The following C22orf31 variants were observed in gnomAD, a reference collection of about 807,000 sequenced individuals.
C22orf31 encodes the protein chromosome 22 open reading frame 31.
In C22orf31, 11 loss-of-function variants were observed where a neutral mutation model predicts 15.0. That is an observed-to-expected ratio of 0.73 (90% CI 0.46 to 1.21). The LOEUF (loss-of-function observed/expected upper bound fraction) is 1.21. C22orf31 is among the 50% of genes most tolerant of loss of function. C22orf31 has a pLI of 0.00. For missense variants in C22orf31, 340 were observed against 347.2 expected, an observed-to-expected ratio of 0.98 and a Z score of 0.17; for synonymous variants, 132 against 133.3, an observed-to-expected ratio of 0.99 and a Z score of 0.07.
chr22:29,073,440 T>A, the C22orf31 span, among the ~76,000 whole-genome samples: 8 of 151,826 alleles, frequency 5.3e-5, no homozygotes, highest in Non-Finnish European at 1.2e-4. This position sits in a 1 kb window ranked among gnomAD's most constrained non-coding sequence, Gnocchi z 4.4. Context: ...GGCCCGGTAC[T>A]GTCCCCCGGC....
the C22orf31 span, among the ~76,000 whole-genome samples, chr22:29,070,779 A>G: frequency 6.6e-6 from 1 of 152,294 alleles, no homozygotes; most frequent in Non-Finnish European, 1.5e-5. Context: ...AAAAGAAAAA[A>G]AATCCACAGA....
At chr22:29,061,877 T>G, upstream of C22orf31, 3 of 1,003,808 alleles carry the variant, frequency 3.0e-6, no homozygotes, top group Non-Finnish European at 4.3e-6. Context: ...TCTCTCTCTC[T>G]TTTTTTTTGT....
the C22orf31 span, among the ~76,000 whole-genome samples, chr22:29,067,463 A>G: frequency 3.3e-5 from 5 of 151,618 alleles, no homozygotes; most frequent in Non-Finnish European, 7.4e-5. Context: ...CTTTTTTGAC[A>G]CAGACTCTCG....
At chr22:29,062,843 T>G (rs1487075859), upstream of C22orf31, among the ~76,000 whole-genome samples, 2 of 152,088 alleles carry the variant, frequency 1.3e-5, no homozygotes, top group African/African-American at 4.8e-5. Flanking sequence ...CCTCACCTCC[T>G]AAGAGCTGGG....
the C22orf31 span, chr22:29,073,126 G>C: frequency 2.9e-6 from 3 of 1,042,970 alleles, no homozygotes; most frequent in Non-Finnish European, 3.5e-6. This position sits in a 1 kb window ranked among gnomAD's most constrained non-coding sequence, Gnocchi z 4.4. Flanking sequence ...CCGCACTGAC[G>C]GCCCATGGCG....
the C22orf31 span, chr22:29,073,066 C>T: frequency 1.8e-5 from 7 of 390,578 alleles, no homozygotes; most frequent in Admixed American, 6.5e-5. The surrounding 1 kb of genome is among the most constrained non-coding windows in gnomAD (Gnocchi z 4.4). Context: ...CCCATGGCCG[C>T]CCCCGGCTCC....
rs746926059 is a variant in C22orf31 at position 29,058,984 on chromosome 22, C to G, written c.631G>C (p.Glu211Gln). The stretch of plus-strand genomic sequence containing the variant: ...GCGTGGTACAGAGCCTGGTAACCCT[C>G]TGTGGGGAGACCATGGATGGTTAGC... ...DTLTIHGLPT[E>Q]GYQALYHAVV... Residue 211 changes from glutamate (E) to glutamine (Q), a missense_variant, in exon 3 of 3, where the codon GAG becomes CAG. Physicochemically the swap from Glu to Gln is conservative, Grantham distance 29. Transcript: ENST00000216071. The G allele has an allele frequency of 6.2e-7, 1 of 1,614,226 alleles. No individual in the cohort carries two copies. The highest frequency in any genetic ancestry group is 1.7e-5 in the Admixed American group (1 of 60,032).
chr22:29,066,534 C>CT (rs1407769658), upstream of C22orf31, among the ~76,000 whole-genome samples: 1 of 65,116 alleles, frequency 1.5e-5, no homozygotes. Flanking sequence ...CTTTTCTTTT[C>CT]TTTTCTTTTT....
intron 1 of C22orf31, among the ~76,000 whole-genome samples, chr22:29,061,370 G>A (rs924777199): frequency 2.0e-5 from 3 of 152,128 alleles, no homozygotes; most frequent in African/African-American, 7.2e-5. Context: ...GGGCTCAAGG[G>A]ATTCTTCTGC....
chr22:29,063,252 C>A (rs1309992569), upstream of C22orf31, among the ~76,000 whole-genome samples: 4 of 152,108 alleles, frequency 2.6e-5, no homozygotes, highest in Non-Finnish European at 5.9e-5. Context: ...GCAACCTCCG[C>A]TTCCTGGGGT....
chr22:29,059,768 G>T, intron 2 of C22orf31: 1 of 983,516 alleles, frequency 1.0e-6, no homozygotes. Context: ...GGTTGTGTGT[G>T]TGTGTGTGTG....
upstream of C22orf31, among the ~76,000 whole-genome samples, chr22:29,062,671 C>T (rs1420659310): frequency 6.6e-6 from 1 of 152,082 alleles, no homozygotes. Flanking sequence ...CCTGGAATCG[C>T]ATGTGTTGCC....
upstream of C22orf31, among the ~76,000 whole-genome samples, chr22:29,063,431 G>T (rs1056879513): frequency 1.3e-5 from 2 of 152,176 alleles, no homozygotes; most frequent in African/African-American, 4.8e-5. Context: ...CTCCCAAAGT[G>T]CTGGGATTAC....
At chr22:29,063,033 A>T (rs1294787023), upstream of C22orf31, among the ~76,000 whole-genome samples, 2 of 152,008 alleles carry the variant, frequency 1.3e-5, no homozygotes, top group African/African-American at 2.4e-5. Context: ...ACAGGAGGGA[A>T]ATGTCAAGCA....
At chr22:29,065,991 C>A (rs2037426655), upstream of C22orf31, among the ~76,000 whole-genome samples, 1 of 152,162 alleles carries the variant, frequency 6.6e-6, no homozygotes, top group Non-Finnish European at 1.5e-5. Context: ...CACATCTGTC[C>A]TTCTTTGATG....
At chr22:29,061,109 G>A (rs78251228) in intron 1 of C22orf31, among the ~76,000 whole-genome samples, 167 of 152,116 alleles carry the variant, frequency 1.1e-3, no homozygotes, top group African/African-American at 3.8e-3. Context: ...GGTCAGGGAG[G>A]GTTCACAAGG....
chr22:29,061,686 G>T, intron 1 of C22orf31, 104 bp downstream of exon 1: 1 of 837,522 alleles, frequency 1.2e-6, no homozygotes, highest in Non-Finnish European at 1.9e-6. Context: ...CCATTTCCTG[G>T]GACCAACTAA....
the C22orf31 span, among the ~76,000 whole-genome samples, chr22:29,071,807 C>T: frequency 6.6e-6 from 1 of 152,164 alleles, no homozygotes. Flanking sequence ...ACGCTGGGGC[C>T]GAAAGTTTAA....
intron 1 of C22orf31, 136 bp downstream of exon 1, chr22:29,061,654 A>C (rs746061065): frequency 6.3e-6 from 4 of 633,478 alleles, no homozygotes; most frequent in Non-Finnish European, 1.1e-5. Context: ...AAGCAACACG[A>C]AAACATTAAT....
Sources: gnomAD v4.1 joint callset for allele counts (sites outside exome capture counted in the v4.1 genomes callset) on GRCh38, gnomAD v4.1.1 for gene constraint, Gnocchi (gnomAD v3.1) non-coding constraint, MANE v1.5 for transcripts, NCBI Gene and HGNC (gene_info 2026-07-23, HGNC 2026-07-21) for gene names.